CCDC3: variants seen among roughly 807,000 people sequenced by gnomAD.
CCDC3 encodes coiled-coil domain-containing protein 3.
In CCDC3, 24 loss-of-function variants were observed where a neutral mutation model predicts 21.4. The observed-to-expected ratio is 1.12, with a 90% confidence interval of 0.81 to 1.58. The LOEUF (loss-of-function observed/expected upper bound fraction) is 1.58. Among genes scored for constraint, CCDC3 ranks in the 40% most tolerant of loss-of-function variants. The pLI is 0.00. For synonymous variants in CCDC3, 186 were observed against 166.0 expected, an observed-to-expected ratio of 1.12 and a Z score of -0.93; for missense variants, 425 against 360.9, an observed-to-expected ratio of 1.18 and a Z score of -1.44.
chr10:12,937,563 A>G (rs888250759), intron 2 of CCDC3, among the ~76,000 whole-genome samples: 2 of 152,120 alleles, frequency 1.3e-5, no homozygotes, highest in Non-Finnish European at 2.9e-5. Flanking sequence ...CCTGGGCTCA[A>G]TTGATCCTCC....
In CCDC3 at chr10:12,898,480, G is replaced by T. The variant is rs371834557; in HGVS notation, c.749C>A (p.Ala250Glu). ...LANQKLSEKLAAGALPHINAR... is the reference protein window; with the variant it reads ...LANQKLSEKLEAGALPHINAR... ...ATTGATGTGCGGCAGCGCGCCCGCC[G>T]CCAGCTTCTCACTGAGTTTCTGGTT... Residue 250 changes from alanine (A) to glutamate (E), a missense_variant, in exon 3 of 3, where the codon GCG becomes GAG. Coordinates refer to ENST00000378825, the MANE Select transcript of CCDC3 (RefSeq NM_031455.4). The T allele has an allele frequency of 4.5e-5, 72 of 1,613,156 alleles. No homozygotes were observed. Among genetic ancestry groups the T allele is most frequent in the Non-Finnish European group, 6.1e-5 (72 of 1,179,484 alleles).
chr10:13,017,500 G>C (rs1836080167), intron 5 of CCDC3, among the ~76,000 whole-genome samples: 1 of 132,756 alleles, frequency 7.5e-6, no homozygotes, highest in Admixed American at 8.3e-5. Context: ...CTGGATGACA[G>C]AGCAAGACTC....
intron 2 of CCDC3, among the ~76,000 whole-genome samples, chr10:12,942,377 G>A (rs995811608): frequency 6.6e-5 from 10 of 152,202 alleles, no homozygotes; most frequent in South Asian, 2.1e-4. Flanking sequence ...AAAAGTCGTC[G>A]GCAAAGTTTC....
chr10:13,077,280 T>C (rs905217910), intron 3 of CCDC3, among the ~76,000 whole-genome samples: 52 of 152,060 alleles, frequency 3.4e-4, no homozygotes, highest in African/African-American at 1.2e-3. Context: ...TAGAATAAAA[T>C]ACCTAGGAAT....
At chr10:13,085,541 A>C (rs1251054971) in intron 3 of CCDC3, among the ~76,000 whole-genome samples, 1 of 152,238 alleles carries the variant, frequency 6.6e-6, no homozygotes, top group Non-Finnish European at 1.5e-5. Flanking sequence ...GGGCTTTGTA[A>C]TGCATATCAG....
intron 2 of CCDC3, among the ~76,000 whole-genome samples, chr10:12,971,950 G>C (rs978192679): frequency 6.6e-6 from 1 of 151,962 alleles, no homozygotes; most frequent in Non-Finnish European, 1.5e-5. Flanking sequence ...GCCTCCCAAA[G>C]TGCTGCGATT....
intron 1 of CCDC3, among the ~76,000 whole-genome samples, chr10:13,000,579 G>C (rs1485713088): frequency 1.3e-5 from 2 of 152,142 alleles, no homozygotes; most frequent in Admixed American, 1.3e-4. Flanking sequence ...CAGCTGATAT[G>C]AGACAGTGAA....
chr10:12,966,214 G>GT (rs1291331877), intron 2 of CCDC3, among the ~76,000 whole-genome samples: 5 of 152,030 alleles, frequency 3.3e-5, no homozygotes, highest in African/African-American at 1.2e-4. Context: ...ATGGTACTCA[G>GT]TTACCAGCCT....
chr10:12,964,756 G>A (rs1835236502), intron 2 of CCDC3, among the ~76,000 whole-genome samples: 1 of 152,194 alleles, frequency 6.6e-6, no homozygotes, highest in African/African-American at 2.4e-5. Context: ...AAGAGACAAA[G>A]AGGGCAAGTG....
intron 2 of CCDC3, among the ~76,000 whole-genome samples, chr10:12,923,801 C>G (rs989045599): frequency 6.6e-6 from 1 of 152,334 alleles, no homozygotes; most frequent in Non-Finnish European, 1.5e-5. Context: ...ATCACTTACA[C>G]TTTACAAGTC....
intron 5 of CCDC3, among the ~76,000 whole-genome samples, chr10:13,034,745 C>G (rs1458404040): frequency 6.6e-6 from 1 of 151,872 alleles, no homozygotes; most frequent in Non-Finnish European, 1.5e-5. Flanking sequence ...AGGTCTGGCG[C>G]TGGGTGCGGT....
intron 2 of CCDC3, among the ~76,000 whole-genome samples, chr10:12,912,474 C>T (rs1230177312): frequency 6.6e-6 from 1 of 152,072 alleles, no homozygotes; most frequent in East Asian, 1.9e-4. Flanking sequence ...AGGTTGTTGG[C>T]TTTCTTGCTG....
chr10:12,943,372 T>G (rs1236048902), intron 2 of CCDC3, among the ~76,000 whole-genome samples: 2 of 152,206 alleles, frequency 1.3e-5, no homozygotes, highest in Non-Finnish European at 2.9e-5. Context: ...ATGAGGTAGC[T>G]AAAAAGAAAT....
At chr10:12,981,245 T>C (rs1033103504) in intron 2 of CCDC3, among the ~76,000 whole-genome samples, 3 of 148,488 alleles carry the variant, frequency 2.0e-5, no homozygotes, top group African/African-American at 7.6e-5. Context: ...GGTGGCGTGA[T>C]CTTGGTTCAT....
intron 3 of CCDC3, among the ~76,000 whole-genome samples, chr10:13,093,814 C>T (rs530853000): frequency 2.0e-5 from 3 of 152,222 alleles, no homozygotes; most frequent in African/African-American, 7.2e-5. Flanking sequence ...TTGTACTTTC[C>T]TACTACTGAT....
rs74563101 is a variant in CCDC3 at position 12,986,900 on chromosome 10, T to C, written c.549+11438A>G. Among the ~76,000 whole-genome samples the C allele has an allele frequency of 4.3e-3, 652 of 152,310 alleles. 2 individuals carry two copies. The highest frequency in any genetic ancestry group is 0.015 in the African/African-American group (630 of 41,556). On this transcript the variant is annotated intron_variant, in intron 2 of 2. Coordinates refer to ENST00000378825, the MANE Select transcript of CCDC3 (RefSeq NM_031455.4). ...AGTAATAACTGTTTCAATAAAACTT[T>C]CATTTGATGGCAAAACAAAAAAGAA...
intron 4 of CCDC3, among the ~76,000 whole-genome samples, chr10:13,062,930 T>A (rs1001818420): frequency 7.0e-6 from 1 of 142,356 alleles, no homozygotes; most frequent in African/African-American, 2.6e-5. Flanking sequence ...CCCCACCCAG[T>A]AACTGACTCA....
intron 1 of CCDC3, among the ~76,000 whole-genome samples, chr10:13,000,746 G>C (rs1327871797): frequency 6.6e-6 from 1 of 152,172 alleles, no homozygotes; most frequent in Non-Finnish European, 1.5e-5. Context: ...CTTTACACAG[G>C]TGAGGCTATG....
At chr10:12,931,953 G>A (rs1406171914) in intron 2 of CCDC3, among the ~76,000 whole-genome samples, 1 of 152,202 alleles carries the variant, frequency 6.6e-6, no homozygotes, top group Non-Finnish European at 1.5e-5. Flanking sequence ...TATGTTCACA[G>A]CAAAGCTGAA....
Sources: allele counts gnomAD v4.1 joint callset (sites outside exome capture counted in the v4.1 genomes callset), GRCh38; gene constraint gnomAD v4.1.1; transcripts MANE v1.5; gene names NCBI Gene and HGNC (gene_info 2026-07-23, HGNC 2026-07-21).